Variants in DOCK4 observed in about 807,000 individuals in gnomAD.
DOCK4 encodes dedicator of cytokinesis 4.
DOCK4 carries 97 observed loss-of-function variants against 268.1 expected under a neutral mutation model. That is an observed-to-expected ratio of 0.36 (90% CI 0.31 to 0.43). DOCK4 has a LOEUF of 0.43. DOCK4 is among the 20% of genes least tolerant of loss of function. DOCK4 has a pLI of 1.00. For missense variants in DOCK4, 2,145 were observed against 2,455.7 expected (o/e 0.87, Z 2.67); for synonymous variants, 954 against 887.2 (o/e 1.08, Z -1.34).
At chr7:111,784,229 CAGCTCAA>C (rs978622024) in intron 32 of DOCK4, 106 bp from the exon 33 acceptor site, 43 of 1,273,746 alleles carry the variant, frequency 3.4e-5, no homozygotes, top group Admixed American at 5.9e-5. Flanking sequence ...AAGCATCTCA[CAGCTCAA>C]AGACATTTTT....
chr7:112,105,868 T>G (rs1811106177), intron 1 of DOCK4, among the ~76,000 whole-genome samples: 2 of 151,978 alleles, frequency 1.3e-5, no homozygotes, highest in African/African-American at 4.8e-5. Context: ...TTGAAAAAAT[T>G]TTTGTAGAGA....
intron 1 of DOCK4, among the ~76,000 whole-genome samples, chr7:112,183,611 C>T (rs1397272477): frequency 1.3e-5 from 2 of 152,180 alleles, no homozygotes; most frequent in African/African-American, 4.8e-5. Flanking sequence ...ATGTAGCATA[C>T]CTAGTCTTGT....
At chr7:112,156,346 T>C (rs1816612204) in intron 1 of DOCK4, among the ~76,000 whole-genome samples, 1 of 152,220 alleles carries the variant, frequency 6.6e-6, no homozygotes, top group Non-Finnish European at 1.5e-5. Context: ...GAACAATCTA[T>C]AAAAATGTTT....
intron 1 of DOCK4, among the ~76,000 whole-genome samples, chr7:112,074,861 G>T (rs1399950859): frequency 1.3e-5 from 2 of 152,196 alleles, no homozygotes; most frequent in Non-Finnish European, 2.9e-5. Context: ...TAGTAGAGCA[G>T]TATTCTCTTC....
At chr7:112,030,685 A>C (rs2135455601) in intron 1 of DOCK4, among the ~76,000 whole-genome samples, 1 of 152,292 alleles carries the variant, frequency 6.6e-6, no homozygotes, top group South Asian at 2.1e-4. Context: ...TCTGAGACAG[A>C]CGAAAGCCTA....
intron 13 of DOCK4, 23 bp downstream of exon 13, chr7:111,915,756 T>C (rs1792527335): frequency 6.2e-7 from 1 of 1,609,728 alleles, no homozygotes; most frequent in African/African-American, 1.3e-5. Context: ...TTTCATCATA[T>C]CGGTACGTCC....
At chr7:111,947,749 G>A (rs1333907576) in intron 8 of DOCK4, among the ~76,000 whole-genome samples, 1 of 151,928 alleles carries the variant, frequency 6.6e-6, no homozygotes, top group African/African-American at 2.4e-5. Flanking sequence ...GTCGGGGGGA[G>A]GTCTCACTCT....
intron 1 of DOCK4, among the ~76,000 whole-genome samples, chr7:112,090,535 C>A (rs541304665): frequency 2.6e-5 from 4 of 152,022 alleles, no homozygotes; most frequent in Non-Finnish European, 5.9e-5. Flanking sequence ...TATTTTATAA[C>A]CTGGAAAAAC....
intron 1 of DOCK4, among the ~76,000 whole-genome samples, chr7:112,042,744 G>T (rs567060434): frequency 7.9e-5 from 12 of 152,304 alleles, no homozygotes; most frequent in Non-Finnish European, 1.6e-4. Flanking sequence ...TTTGAATATG[G>T]TTTGTCTCCT....
intron 1 of DOCK4, among the ~76,000 whole-genome samples, chr7:112,087,972 T>C (rs1463779857): frequency 6.6e-6 from 1 of 152,034 alleles, no homozygotes; most frequent in Non-Finnish European, 1.5e-5. Context: ...AAAAATACAG[T>C]GGTGTCCCTA....
At chr7:111,976,982 G>C in intron 8 of DOCK4, 150 bp downstream of exon 8, 1 of 837,362 alleles carries the variant, frequency 1.2e-6, no homozygotes, top group South Asian at 2.4e-5. Flanking sequence ...CCAAAGAACA[G>C]GCAGCTTAGA....
intron 16 of DOCK4, among the ~76,000 whole-genome samples, chr7:111,882,478 T>A (rs1807473573): frequency 6.6e-6 from 1 of 152,266 alleles, no homozygotes; most frequent in Non-Finnish European, 1.5e-5. Context: ...ATTCTGATTA[T>A]ACATTTAAAA....
chr7:112,115,513 C>T (rs376761144), intron 1 of DOCK4, among the ~76,000 whole-genome samples: 11 of 152,320 alleles, frequency 7.2e-5, no homozygotes, highest in East Asian at 3.9e-4. Flanking sequence ...CTTTCAACTA[C>T]GCTTCAGACT....
At chr7:111,851,241 G>A (rs1189098571) in intron 23 of DOCK4, among the ~76,000 whole-genome samples, 2 of 152,016 alleles carry the variant, frequency 1.3e-5, no homozygotes, top group Non-Finnish European at 2.9e-5. Flanking sequence ...TCAGGAGATT[G>A]AGCCCATGCT....
chr7:111,749,972 T>G (rs528313829), intron 42 of DOCK4, among the ~76,000 whole-genome samples: 1 of 152,312 alleles, frequency 6.6e-6, no homozygotes, highest in Admixed American at 6.5e-5. Context: ...TAGGGAAATA[T>G]AAGGGGACGG....
At chr7:111,897,434 T>C (rs1427371320) in intron 15 of DOCK4, among the ~76,000 whole-genome samples, 3 of 152,064 alleles carry the variant, frequency 2.0e-5, no homozygotes, top group Non-Finnish European at 4.4e-5. Context: ...CAGAGACCCA[T>C]CCTTCGACTC....
intron 22 of DOCK4, among the ~76,000 whole-genome samples, chr7:111,864,774 C>T (rs1033094397): frequency 2.6e-5 from 4 of 152,238 alleles, no homozygotes; most frequent in East Asian, 3.9e-4. Flanking sequence ...ATAACCTTCA[C>T]GTCACCCTGC....
chr7:112,097,491 C>T (rs879339697), intron 1 of DOCK4, among the ~76,000 whole-genome samples: 6 of 151,918 alleles, frequency 3.9e-5, no homozygotes, highest in East Asian at 1.9e-4. Flanking sequence ...GCAGGAGGGT[C>T]GCTTGAGCCT....
intron 32 of DOCK4, 130 bp from the exon 33 acceptor site, chr7:111,784,253 C>T (rs1799001664): frequency 1.8e-6 from 2 of 1,089,844 alleles, no homozygotes; most frequent in South Asian, 1.3e-5. Context: ...TTTTTCCTAG[C>T]TTCTCCCTTA....
Sources: gnomAD v4.1 joint callset for allele counts (sites outside exome capture counted in the v4.1 genomes callset) on GRCh38, gnomAD v4.1.1 for gene constraint, MANE v1.5 for transcripts, NCBI Gene and HGNC (gene_info 2026-07-23, HGNC 2026-07-21) for gene names.